The following ASIC2 variants were observed in gnomAD, a reference collection of about 807,000 sequenced individuals.
ASIC2 encodes acid-sensing ion channel 2.
ASIC2 carries 25 observed loss-of-function variants against 57.3 expected under a neutral mutation model. The observed-to-expected ratio is 0.44, with a 90% CI of 0.32 to 0.61. The LOEUF is 0.61. ASIC2 is among the 20% of genes least tolerant of loss of function. ASIC2 has a pLI of 0.06. For missense variants in ASIC2, 641 were observed against 738.1 expected, an observed-to-expected ratio of 0.87 and a Z score of 1.52; for synonymous variants, 319 against 307.5, an observed-to-expected ratio of 1.04 and a Z score of -0.39.
intron 1 of ASIC2, among the ~76,000 whole-genome samples, chr17:34,147,693 G>A (rs1453404661): frequency 1.3e-5 from 2 of 152,174 alleles, no homozygotes; most frequent in East Asian, 1.9e-4. Flanking sequence ...GTCTCAGGTT[G>A]TAATAGATCA....
chr17:34,153,071 T>G (rs957240721), intron 1 of ASIC2, among the ~76,000 whole-genome samples: 1 of 152,206 alleles, frequency 6.6e-6, no homozygotes, highest in Non-Finnish European at 1.5e-5. Flanking sequence ...GCAGACAGCC[T>G]TCTCTCACTC....
At position 34,012,210 on chromosome 17, in the gene ASIC2, C is replaced by T. The variant is rs563376571; in HGVS notation, c.555+143768G>A. Among the ~76,000 whole-genome samples the T allele has an allele frequency of 7.2e-5, 11 of 152,274 alleles. No individual in the cohort carries two copies. In the South Asian group the frequency reaches 2.1e-3, roughly 29 times the overall value. The stretch of plus-strand genomic sequence containing the variant: ...CACCTCATTGATGAGAAACTCCAGG[C>T]CCCCGAACCACCATGACCCAACCCA... On this transcript the variant is annotated intron_variant, in intron 1 of 9. Coordinates refer to the ASIC2 transcript ENST00000359872.
At chr17:33,840,823 A>G (rs77122089) in intron 1 of ASIC2, among the ~76,000 whole-genome samples, 1,538 of 152,184 alleles carry the variant, frequency 0.01, 17 homozygotes, top group Non-Finnish European at 0.016. Context: ...ACACACACAC[A>G]CAGAGCCTAG....
intron 1 of ASIC2, chr17:33,581,342 G>A (rs58410357): frequency 0.088 from 13,339 of 152,234 alleles, 778 homozygotes; most frequent in East Asian, 0.3. Flanking sequence ...CACCCTGAGT[G>A]ATCCGGAAGT....
At chr17:33,937,585 ATT>A (rs1469077118) in intron 1 of ASIC2, among the ~76,000 whole-genome samples, 2 of 152,184 alleles carry the variant, frequency 1.3e-5, no homozygotes, top group Non-Finnish European at 2.9e-5. Context: ...GGGTAAGGTC[ATT>A]TTCAATATTC....
chr17:33,950,842 T>C lies in ASIC2; in HGVS notation c.555+205136A>G, dbSNP rs1904537941. Among the ~76,000 whole-genome samples, 4 of 152,220 alleles carry C rather than the reference T, an allele frequency of 2.6e-5. No homozygotes were observed. In the South Asian group the frequency reaches 8.3e-4, roughly 32 times the overall value. ...CACCATCCCTGTTGCCTTTTGCACT[T>C]TCTTTTTGGGAAAAAGCAAGTGCTG... On this transcript the variant is annotated intron_variant, in intron 1 of 9. Coordinates refer to the ASIC2 transcript ENST00000359872.
Position 33,488,003 on chromosome 17 carries a change from A to G in ASIC2, c.556-375936T>C, listed in dbSNP as rs560229738. On this transcript the variant is annotated intron_variant, in intron 1 of 9. Coordinates refer to the ASIC2 transcript ENST00000359872. ...CAACTTGCAGATGGCCTATTACGGG[A>G]CTTTACCTTGTGATAAACTCCCTTT... 7.8e-4 allele frequency among the ~76,000 whole-genome samples: 119 copies of G among 152,272 alleles called. 1 individual carries two copies. Among genetic ancestry groups the G allele is most frequent in the South Asian group, 1.7e-3 (8 of 4,824 alleles).
chr17:33,855,672 T>C (rs1322692218), intron 1 of ASIC2, among the ~76,000 whole-genome samples: 3 of 152,048 alleles, frequency 2.0e-5, no homozygotes, highest in African/African-American at 4.8e-5. Context: ...ATGGGGATGA[T>C]AATGATGATG....
chr17:33,043,007 A>G (rs2091935738), intron 3 of ASIC2, among the ~76,000 whole-genome samples: 1 of 151,970 alleles, frequency 6.6e-6, no homozygotes, highest in Admixed American at 6.5e-5. Context: ...GCTCACCTCA[A>G]GCTCCGCCTC....
intron 1 of ASIC2, among the ~76,000 whole-genome samples, chr17:33,158,433 G>T (rs1347192823): frequency 2.6e-5 from 4 of 152,204 alleles, no homozygotes; most frequent in African/African-American, 4.8e-5. Context: ...TGGTCTAGGG[G>T]GTGAATGAAG....
At chr17:34,102,650 T>C (rs965267666) in intron 1 of ASIC2, among the ~76,000 whole-genome samples, 2 of 152,218 alleles carry the variant, frequency 1.3e-5, no homozygotes, top group African/African-American at 4.8e-5. Context: ...CATGTATCAA[T>C]AGATGCTTAC....
At chr17:33,958,612 T>A (rs1904818131) in intron 1 of ASIC2, among the ~76,000 whole-genome samples, 1 of 152,098 alleles carries the variant, frequency 6.6e-6, no homozygotes. Context: ...CAGGGCACCA[T>A]GTCCAGAGGC....
At chr17:33,181,014 G>A (rs1905959721) in intron 1 of ASIC2, among the ~76,000 whole-genome samples, 1 of 152,106 alleles carries the variant, frequency 6.6e-6, no homozygotes, top group Admixed American at 6.5e-5. Context: ...GTTGGCTGAG[G>A]AAAAATAAAA....
chr17:33,322,496 G>A (rs894820333), intron 1 of ASIC2, among the ~76,000 whole-genome samples: 1 of 152,146 alleles, frequency 6.6e-6, no homozygotes, highest in African/African-American at 2.4e-5. Context: ...TCCACCGATA[G>A]GTACAAGAGA....
intron 1 of ASIC2, among the ~76,000 whole-genome samples, chr17:33,951,983 T>C (rs192280294): frequency 1.3e-5 from 2 of 152,302 alleles, no homozygotes; most frequent in African/African-American, 4.8e-5. Flanking sequence ...TACACACGTG[T>C]GATCAATTTG....
rs888481501 is a variant in ASIC2 at position 33,597,648 on chromosome 17, C to T, written c.556-485581G>A. 7.9e-5 allele frequency among the ~76,000 whole-genome samples: 12 copies of T among 152,160 alleles called. No individual in the cohort carries two copies. In the South Asian group the frequency reaches 1.9e-3, roughly 24 times the overall value. The stretch of plus-strand genomic sequence containing the variant: ...GTTGCTGTAATTACAATAATCCTAG[C>T]GGTAAAGTTGACCTTAATACGTGAT... On this transcript the variant is annotated intron_variant, in intron 1 of 9. Coordinates refer to the ASIC2 transcript ENST00000359872.
chr17:33,484,558 T>C (rs1443118863), intron 1 of ASIC2, among the ~76,000 whole-genome samples: 1 of 152,208 alleles, frequency 6.6e-6, no homozygotes, highest in Admixed American at 6.5e-5. Context: ...CAGTTACCAA[T>C]AAAACAAATT....
At chr17:33,299,085 A>T (rs983956409) in intron 1 of ASIC2, among the ~76,000 whole-genome samples, 2 of 152,256 alleles carry the variant, frequency 1.3e-5, no homozygotes, top group African/African-American at 4.8e-5. Context: ...ATTGGAAAAA[A>T]CTACTTTAAA....
chr17:33,196,152 G>A (rs555970638), intron 1 of ASIC2, among the ~76,000 whole-genome samples: 2 of 152,266 alleles, frequency 1.3e-5, no homozygotes, highest in African/African-American at 2.4e-5. Context: ...TCATTTCATC[G>A]TTCCTAAAAT....
Sources: gnomAD v4.1 joint callset for allele counts (sites outside exome capture counted in the v4.1 genomes callset) on GRCh38, gnomAD v4.1.1 for gene constraint, MANE v1.5 for transcripts, NCBI Gene and HGNC (gene_info 2026-07-23, HGNC 2026-07-21) for gene names.